The following GLIS3 variants were observed in gnomAD, a reference collection of about 807,000 sequenced individuals.
GLIS3 encodes the protein GLIS family zinc finger 3, also known as zinc finger protein GLIS3.
In GLIS3, 53 loss-of-function variants were observed where a neutral mutation model predicts 78.6. The ratio of observed to expected loss-of-function variants is 0.67; its 90% CI spans 0.54 to 0.85. The LOEUF (loss-of-function observed/expected upper bound fraction) is 0.85, where lower values mean the gene tolerates loss of function less well. GLIS3 is among the 40% of genes least tolerant of loss of function. The probability of loss-of-function intolerance (pLI) is 0.00; values close to 1 mark genes in which losing one functional copy is unlikely to be tolerated. For missense variants in GLIS3, 1,703 were observed against 1,231.1 expected, an observed-to-expected ratio of 1.38 and a Z score of -5.74; for synonymous variants, 684 against 509.9, an observed-to-expected ratio of 1.34 and a Z score of -4.60.
rs528347357 is a variant in GLIS3 at position 4,052,953 on chromosome 9, A to G, written c.1710+64815T>C. Among the ~76,000 whole-genome samples, 339 of 152,098 alleles carry G rather than the reference A, an allele frequency of 2.2e-3. 1 individual carries two copies. The highest frequency in any genetic ancestry group is 0.02 in the Middle Eastern group (6 of 294). ...TCATTCATGTTTAATTTAGTATTTTAATTTTTATTTTTTTGAAAGAGTCTC... is the reference window on the plus strand; with the variant it reads ...TCATTCATGTTTAATTTAGTATTTTGATTTTTATTTTTTTGAAAGAGTCTC... On this transcript the variant is annotated intron_variant, in intron 4 of 10. Coordinates refer to ENST00000381971, the MANE Select transcript of GLIS3 (RefSeq NM_001042413.2).
intron 2 of GLIS3, among the ~76,000 whole-genome samples, chr9:4,128,739 C>G (rs1832752657): frequency 6.6e-6 from 1 of 152,170 alleles, no homozygotes; most frequent in Non-Finnish European, 1.5e-5. Context: ...TTACACTGGT[C>G]AAGGCTGCCT....
chr9:4,134,978 C>A (rs78993812), intron 2 of GLIS3, among the ~76,000 whole-genome samples: 10,117 of 152,158 alleles, frequency 0.066, 467 homozygotes, highest in South Asian at 0.13. Flanking sequence ...AGCAGGTCCA[C>A]TGGACTCTCA....
At chr9:4,469,057 A>G in the GLIS3 span, among the ~76,000 whole-genome samples, 5 of 152,202 alleles carry the variant, frequency 3.3e-5, no homozygotes, top group African/African-American at 9.7e-5. Flanking sequence ...ACATAATGGT[A>G]AAGGGATCAA....
intron 2 of GLIS3, among the ~76,000 whole-genome samples, chr9:4,319,395 G>T (rs1382159608): frequency 6.6e-6 from 1 of 152,202 alleles, no homozygotes; most frequent in Non-Finnish European, 1.5e-5. Context: ...GAATCTGGGT[G>T]AAGGTACATG....
At chr9:4,050,555 C>A (rs117958423) in intron 4 of GLIS3, among the ~76,000 whole-genome samples, 1 of 151,942 alleles carries the variant, frequency 6.6e-6, no homozygotes, top group Admixed American at 6.6e-5. Context: ...ATGTATCAAA[C>A]CTGCAGCTTG....
the GLIS3 span, among the ~76,000 whole-genome samples, chr9:4,471,817 G>A: frequency 2.6e-5 from 4 of 152,102 alleles, no homozygotes; most frequent in Non-Finnish European, 5.9e-5. Context: ...GAGTGAACAG[G>A]CAACCTACAG....
chr9:4,155,220 T>A (rs73394590), intron 2 of GLIS3, among the ~76,000 whole-genome samples: 1 of 152,226 alleles, frequency 6.6e-6, no homozygotes, highest in Admixed American at 6.5e-5. Flanking sequence ...CTAGTGTTAA[T>A]GTGTAAAACA....
intron 2 of GLIS3, among the ~76,000 whole-genome samples, chr9:4,133,800 T>C (rs983399296): frequency 1.3e-5 from 2 of 150,410 alleles, no homozygotes; most frequent in Admixed American, 1.3e-4. Context: ...AACAGCATGC[T>C]GATGCCTTCC....
intron 4 of GLIS3, among the ~76,000 whole-genome samples, chr9:4,050,299 G>A (rs1357396850): frequency 6.6e-6 from 1 of 152,168 alleles, no homozygotes; most frequent in Non-Finnish European, 1.5e-5. Flanking sequence ...CCTTTGCAGG[G>A]ACATGGATGA....
At chr9:3,920,818 T>C (rs1345557232) in intron 6 of GLIS3, among the ~76,000 whole-genome samples, 2 of 152,160 alleles carry the variant, frequency 1.3e-5, no homozygotes, top group Non-Finnish European at 2.9e-5. Context: ...TAAATTCCTA[T>C]AGCCTAGCTG....
chr9:4,181,183 T>C (rs1180863479), intron 2 of GLIS3, among the ~76,000 whole-genome samples: 7 of 152,238 alleles, frequency 4.6e-5, no homozygotes, highest in South Asian at 2.1e-4. Context: ...GCAAGCATCA[T>C]TCAGAGATGC....
At chr9:3,971,377 C>T (rs995734330) in intron 4 of GLIS3, among the ~76,000 whole-genome samples, 4 of 152,160 alleles carry the variant, frequency 2.6e-5, no homozygotes, top group Non-Finnish European at 5.9e-5. Context: ...AAAAGTAACC[C>T]AGCCTTAAAA....
chr9:4,221,223 T>C (rs1473930308), intron 2 of GLIS3, among the ~76,000 whole-genome samples: 1 of 151,972 alleles, frequency 6.6e-6, no homozygotes, highest in Non-Finnish European at 1.5e-5. Flanking sequence ...AAAGAGAAAA[T>C]GATAAGGCAG....
At chr9:4,349,257 A>T (rs1399480173), upstream of GLIS3, among the ~76,000 whole-genome samples, 1 of 152,254 alleles carries the variant, frequency 6.6e-6, no homozygotes, top group Non-Finnish European at 1.5e-5. Context: ...GCACACTTGC[A>T]GAACTGCAGA....
chr9:4,466,941 C>A, the GLIS3 span, among the ~76,000 whole-genome samples: 1 of 152,236 alleles, frequency 6.6e-6, no homozygotes, highest in South Asian at 2.1e-4. Context: ...CCTAATACTG[C>A]GTTTTTCCAA....
At chr9:4,093,210 G>A (rs1829669420) in intron 4 of GLIS3, among the ~76,000 whole-genome samples, 1 of 152,006 alleles carries the variant, frequency 6.6e-6, no homozygotes, top group Non-Finnish European at 1.5e-5. Flanking sequence ...TTTAAATCCA[G>A]GCAGTCTGGC....
chr9:4,443,804 C>T, the GLIS3 span, among the ~76,000 whole-genome samples: 1 of 152,148 alleles, frequency 6.6e-6, no homozygotes, highest in East Asian at 1.9e-4. Context: ...CTAGAAAAGT[C>T]CTTGTTTTCC....
At chr9:3,862,579 A>G (rs1255125175) in intron 8 of GLIS3, among the ~76,000 whole-genome samples, 1 of 152,182 alleles carries the variant, frequency 6.6e-6, no homozygotes, top group Non-Finnish European at 1.5e-5. Context: ...CATGTCATAA[A>G]TATTTCTTAC....
At chr9:3,856,812 A>C (rs908490051) in intron 8 of GLIS3, among the ~76,000 whole-genome samples, 1 of 152,146 alleles carries the variant, frequency 6.6e-6, no homozygotes, top group Non-Finnish European at 1.5e-5. Flanking sequence ...TCCTGAGGGT[A>C]TGATAGGAAG....
Sources: allele counts gnomAD v4.1 joint callset (sites outside exome capture counted in the v4.1 genomes callset), GRCh38; gene constraint gnomAD v4.1.1; transcripts MANE v1.5; gene names NCBI Gene and HGNC (gene_info 2026-07-23, HGNC 2026-07-21).